Variants in SLC14A2 observed in about 807,000 individuals in gnomAD.
SLC14A2 encodes solute carrier family 14 member 2.
SLC14A2 carries 91 observed loss-of-function variants against 104.6 expected under a neutral mutation model. The observed-to-expected ratio is 0.87, with a 90% CI of 0.73 to 1.04. The LOEUF is 1.04. Ranked by LOEUF, SLC14A2 falls within the 50% of genes least tolerant of loss-of-function variation. SLC14A2 has a pLI of 0.00. For missense variants in SLC14A2, 1,189 were observed against 1,156.0 expected (o/e 1.03, Z -0.41); for synonymous variants, 476 against 466.4 (o/e 1.02, Z -0.27).
intron 2 of SLC14A2, among the ~76,000 whole-genome samples, chr18:45,590,620 A>C (rs2044634078): frequency 6.6e-6 from 1 of 152,126 alleles, no homozygotes; most frequent in African/African-American, 2.4e-5. Context: ...TAGGGGTCTA[A>C]AGTCCAGACC....
intron 13 of SLC14A2, 45 bp downstream of exon 13, chr18:45,667,139 A>C: frequency 3.9e-6 from 6 of 1,526,350 alleles, no homozygotes; most frequent in South Asian, 1.2e-5. Flanking sequence ...CTAAAAACTC[A>C]CCTCCACCCA....
At chr18:45,272,789 G>A (rs1311619982) in intron 1 of SLC14A2, among the ~76,000 whole-genome samples, 2 of 152,058 alleles carry the variant, frequency 1.3e-5, no homozygotes, top group Admixed American at 1.3e-4. Context: ...AAGGATAAAT[G>A]CTTGAGGGGA....
At chr18:45,358,751 G>A (rs895402935) in intron 1 of SLC14A2, among the ~76,000 whole-genome samples, 5 of 151,986 alleles carry the variant, frequency 3.3e-5, no homozygotes, top group South Asian at 2.1e-4. Flanking sequence ...TAACTTTTTC[G>A]TATTTTTTTT....
At chr18:45,609,244 T>G (rs1400790029) in intron 2 of SLC14A2, among the ~76,000 whole-genome samples, 1 of 152,166 alleles carries the variant, frequency 6.6e-6, no homozygotes, top group African/African-American at 2.4e-5. Context: ...GCACTGTGGC[T>G]TCATTTTCTC....
intron 1 of SLC14A2, among the ~76,000 whole-genome samples, chr18:45,326,393 C>A (rs1310478898): frequency 6.6e-6 from 1 of 151,870 alleles, no homozygotes; most frequent in Non-Finnish European, 1.5e-5. Context: ...CAGGAGTATA[C>A]CATTGAATGT....
At chr18:45,418,106 G>A (rs1353845853) in intron 1 of SLC14A2, among the ~76,000 whole-genome samples, 2 of 152,156 alleles carry the variant, frequency 1.3e-5, no homozygotes, top group African/African-American at 4.8e-5. Flanking sequence ...ATGTATATAT[G>A]AGTCAGTAAA....
intron 2 of SLC14A2, among the ~76,000 whole-genome samples, chr18:45,509,677 T>C (rs62093096): frequency 0.81 from 122,208 of 151,514 alleles, 50,338 homozygotes; most frequent in Non-Finnish European, 0.9. Context: ...ACTCAAGTGG[T>C]CGCCACTCTG....
At chr18:45,469,269 G>A (rs1306347259) in intron 1 of SLC14A2, among the ~76,000 whole-genome samples, 5 of 152,140 alleles carry the variant, frequency 3.3e-5, no homozygotes, top group Admixed American at 1.3e-4. Flanking sequence ...TCCAGGCTCC[G>A]AAAGCCTTGA....
intron 15 of SLC14A2, among the ~76,000 whole-genome samples, chr18:45,668,924 C>T (rs1423513898): frequency 4.6e-5 from 7 of 152,244 alleles, no homozygotes; most frequent in Admixed American, 1.3e-4. Flanking sequence ...CTGCTCTACC[C>T]CATGTTGAGA....
At chr18:45,501,411 A>G (rs2043197581) in intron 2 of SLC14A2, among the ~76,000 whole-genome samples, 1 of 152,232 alleles carries the variant, frequency 6.6e-6, no homozygotes, top group South Asian at 2.1e-4. Context: ...CTTAAAACAT[A>G]TTAATAAAGT....
chr18:45,551,758 C>T (rs2044059390), intron 2 of SLC14A2, among the ~76,000 whole-genome samples: 1 of 152,202 alleles, frequency 6.6e-6, no homozygotes, highest in Non-Finnish European at 1.5e-5. Context: ...TGTCTAGTGG[C>T]TACAAATGTT....
At chr18:45,541,458 C>T (rs1598982429) in intron 2 of SLC14A2, among the ~76,000 whole-genome samples, 1 of 152,358 alleles carries the variant, frequency 6.6e-6, no homozygotes, top group East Asian at 1.9e-4. Flanking sequence ...TTACAGACGT[C>T]AGCTTTGCTG....
intron 2 of SLC14A2, among the ~76,000 whole-genome samples, chr18:45,545,169 C>T (rs538970570): frequency 2.6e-5 from 4 of 152,318 alleles, no homozygotes; most frequent in East Asian, 3.9e-4. Context: ...ACACCATCTG[C>T]GGACATGCTT....
intron 1 of SLC14A2, among the ~76,000 whole-genome samples, chr18:45,226,505 T>C (rs894381020): frequency 6.6e-6 from 1 of 152,098 alleles, no homozygotes; most frequent in Non-Finnish European, 1.5e-5. Context: ...AAGGATGAGT[T>C]CATGTCCTTT....
chr18:45,350,245 TA>T (rs1190730054), intron 1 of SLC14A2, among the ~76,000 whole-genome samples: 1 of 152,216 alleles, frequency 6.6e-6, no homozygotes, highest in African/African-American at 2.4e-5. Context: ...TAAATGTCGT[TA>T]AAAACCATTC....
chr18:45,201,313 T>C, the SLC14A2 span, among the ~76,000 whole-genome samples: 2 of 152,156 alleles, frequency 1.3e-5, no homozygotes, highest in East Asian at 1.9e-4. Flanking sequence ...TGGGGAGTTA[T>C]GTTCTATCTT....
chr18:45,463,959 A>C (rs754644720), intron 1 of SLC14A2, among the ~76,000 whole-genome samples: 8 of 152,128 alleles, frequency 5.3e-5, no homozygotes, highest in Non-Finnish European at 7.3e-5. Flanking sequence ...CCCTATTTCT[A>C]ATTTTTCTGA....
chr18:45,421,185 A>G (rs751589135), intron 1 of SLC14A2, among the ~76,000 whole-genome samples: 2 of 151,922 alleles, frequency 1.3e-5, no homozygotes, highest in South Asian at 2.1e-4. Flanking sequence ...TGAGCTATCT[A>G]CGTGCAGAAT....
rs527298680 is a variant in SLC14A2, at chr18:45,225,130, A to T, written c.-125+11939A>T. ...TAGGGTTTTTATGGTTCTAGGTCTT[A>T]TGTTTAAGTCTTTAATCCATCTTGA... On this transcript the variant is annotated intron_variant, in intron 1 of 20. Coordinates refer to the SLC14A2 transcript ENST00000586448. Among the ~76,000 whole-genome samples, 5 of 152,220 alleles carry T rather than the reference A, an allele frequency of 3.3e-5. No homozygotes were observed. In the East Asian group the frequency reaches 9.6e-4, roughly 29 times the overall value.
Sources: gnomAD v4.1 joint callset for allele counts (sites outside exome capture counted in the v4.1 genomes callset) on GRCh38, gnomAD v4.1.1 for gene constraint, MANE v1.5 for transcripts, NCBI Gene and HGNC (gene_info 2026-07-23, HGNC 2026-07-21) for gene names.